Variants in FAF1 observed in about 807,000 individuals in gnomAD.
FAF1 encodes Fas associated factor 1, also known as FAS-associated factor 1.
A neutral mutation model predicts 92.5 loss-of-function variants in FAF1; 25 were observed. The observed-to-expected ratio is 0.27, with a 90% CI of 0.20 to 0.38. The LOEUF (loss-of-function observed/expected upper bound fraction) is 0.38. FAF1 is among the 10% of genes least tolerant of loss of function. The pLI is 1.00. For missense variants in FAF1, 636 were observed against 793.3 expected, an observed-to-expected ratio of 0.80 and a Z score of 2.38; for synonymous variants, 234 against 273.2, an observed-to-expected ratio of 0.86 and a Z score of 1.42.
At chr1:50,679,446 GAAAAA>G (rs750339675) in intron 7 of FAF1, among the ~76,000 whole-genome samples, 1 of 127,988 alleles carries the variant, frequency 7.8e-6, no homozygotes. Flanking sequence ...CTTCACAGAT[GAAAAA>G]AAAAAAAAAG....
intron 7 of FAF1, among the ~76,000 whole-genome samples, chr1:50,677,577 T>C (rs1277365559): frequency 6.6e-6 from 1 of 152,200 alleles, no homozygotes; most frequent in Non-Finnish European, 1.5e-5. Flanking sequence ...AATTTCATTT[T>C]AGTTCTTATT....
intron 1 of FAF1, among the ~76,000 whole-genome samples, chr1:50,885,881 G>A (rs1243112592): frequency 2.6e-5 from 4 of 152,086 alleles, no homozygotes; most frequent in Middle Eastern, 3.4e-3. Flanking sequence ...GTTACCACGA[G>A]GCTTCCAAAT....
At chr1:50,630,828 C>CTTTTTTTTTTTTTTTTTT in intron 8 of FAF1, among the ~76,000 whole-genome samples, 1 of 102,530 alleles carries the variant, frequency 9.8e-6, no homozygotes, top group Non-Finnish European at 1.9e-5. Flanking sequence ...TGTATCATAT[C>CTTTTTTTTTTTTTTTTTT]TTTTTTTTTT....
chr1:50,893,070 C>A (rs1644732176), intron 1 of FAF1, among the ~76,000 whole-genome samples: 2 of 152,098 alleles, frequency 1.3e-5, no homozygotes, highest in South Asian at 4.1e-4. Context: ...CTCTGATAGA[C>A]TTCTGAATTC....
At chr1:50,479,133 T>C (rs573211537) in intron 17 of FAF1, among the ~76,000 whole-genome samples, 2 of 152,332 alleles carry the variant, frequency 1.3e-5, no homozygotes, top group South Asian at 2.1e-4. Flanking sequence ...TCCTGGGAAT[T>C]AGGCAAATGA....
intron 1 of FAF1, among the ~76,000 whole-genome samples, chr1:50,925,514 A>T (rs1644998662): frequency 6.6e-6 from 1 of 152,178 alleles, no homozygotes; most frequent in Non-Finnish European, 1.5e-5. Flanking sequence ...CTGAACAGAC[A>T]TTTCTCAAAC....
intron 7 of FAF1, among the ~76,000 whole-genome samples, chr1:50,674,823 T>C (rs532946428): frequency 6.6e-6 from 1 of 152,332 alleles, no homozygotes; most frequent in Non-Finnish European, 1.5e-5. Context: ...TGAGAACAGC[T>C]ATTGCTAGAG....
intron 1 of FAF1, among the ~76,000 whole-genome samples, chr1:50,903,160 T>C (rs747539373): frequency 3.9e-5 from 6 of 152,226 alleles, no homozygotes; most frequent in Non-Finnish European, 7.3e-5. Context: ...TGTTCATATC[T>C]AATGCATATT....
intron 17 of FAF1, among the ~76,000 whole-genome samples, chr1:50,477,740 C>T (rs752010495): frequency 6.6e-6 from 1 of 152,190 alleles, no homozygotes; most frequent in African/African-American, 2.4e-5. Flanking sequence ...AATGCCTGGC[C>T]TTCTTACTAG....
At chr1:50,945,855 T>C (rs901789654) in intron 1 of FAF1, among the ~76,000 whole-genome samples, 2 of 152,162 alleles carry the variant, frequency 1.3e-5, no homozygotes, top group Non-Finnish European at 2.9e-5. Flanking sequence ...TTGAGTTCTG[T>C]CCAGAGAACA....
intron 2 of FAF1, among the ~76,000 whole-genome samples, chr1:50,823,113 G>A (rs1050381932): frequency 3.3e-5 from 5 of 152,090 alleles, no homozygotes; most frequent in South Asian, 2.1e-4. Context: ...TAGACATCCC[G>A]CAGTATGCAA....
chr1:50,439,812 C>T lies in FAF1; in HGVS notation c.*1628G>A, dbSNP rs958891528. ...TGGAGAGAAGTGTTCAGTTTGAACT[C>T]CCCTGAACACTTCCCCTGAAGGGAG... On this transcript the variant is annotated 3_prime_UTR_variant, in exon 19 of 19. Coordinates refer to ENST00000396153, the MANE Select transcript of FAF1 (RefSeq NM_007051.3). 6.6e-6 allele frequency: 1 copy of T among 152,116 alleles called. No homozygotes were observed. Among genetic ancestry groups the T allele is most frequent in the Admixed American group, 6.5e-5 (1 of 15,270 alleles). The allele number at this position is 152,116 out of a possible 1,614,324, so 9.4% of individuals were successfully genotyped here. A position where few individuals can be genotyped will look rare whatever the true frequency, so the allele number is the denominator to read the frequency against.
chr1:50,809,805 T>C (rs987918569), intron 2 of FAF1, among the ~76,000 whole-genome samples: 7 of 152,238 alleles, frequency 4.6e-5, no homozygotes, highest in Admixed American at 1.3e-4. Flanking sequence ...AAACCTGGCA[T>C]ATTTCAACAA....
Position 50,519,315 on chromosome 1 carries a change from C to T in FAF1, c.1494+16054G>A, listed in dbSNP as rs113146201. Among the ~76,000 whole-genome samples the T allele has an allele frequency of 2.9e-3, 401 of 139,470 alleles. 3 individuals are homozygous for T. The highest frequency in any genetic ancestry group is 9.9e-3 in the African/African-American group (373 of 37,824). 91.5% of individuals were successfully genotyped at this position (139,470 alleles called of 152,430 possible). A position where few individuals can be genotyped will look rare whatever the true frequency, so the allele number is the denominator to read the frequency against. ...CTGCACTCCAGCCTGGGTGACAGAG[C>T]GAGACTGTCTCGAAAGAAAGAAAGG... On this transcript the variant is annotated intron_variant, in intron 15 of 18. Coordinates refer to ENST00000396153, the MANE Select transcript of FAF1 (RefSeq NM_007051.3).
chr1:50,539,381 T>C (rs1648651413), intron 14 of FAF1, among the ~76,000 whole-genome samples: 1 of 152,220 alleles, frequency 6.6e-6, no homozygotes, highest in African/African-American at 2.4e-5. Context: ...GCCCCAAGGG[T>C]TGTGCAATTT....
chr1:50,552,681 T>C (rs533215354), intron 13 of FAF1, among the ~76,000 whole-genome samples: 4 of 152,290 alleles, frequency 2.6e-5, no homozygotes, highest in Middle Eastern at 3.4e-3. Context: ...AAGGAATATA[T>C]AGACAGGATA....
At chr1:50,684,118 T>C (rs1171356273) in intron 7 of FAF1, among the ~76,000 whole-genome samples, 1 of 151,456 alleles carries the variant, frequency 6.6e-6, no homozygotes, top group African/African-American at 2.4e-5. Context: ...AAAGGTGAGT[T>C]AGTTAAGCAA....
chr1:50,642,133 G>A (rs764392946), intron 8 of FAF1, among the ~76,000 whole-genome samples: 2 of 151,290 alleles, frequency 1.3e-5, no homozygotes, highest in Non-Finnish European at 2.9e-5. Context: ...AACCCTGGAG[G>A]CGGAGGTTGC....
At chr1:50,848,286 T>C (rs193144114) in intron 2 of FAF1, among the ~76,000 whole-genome samples, 63 of 152,168 alleles carry the variant, frequency 4.1e-4, no homozygotes, top group African/African-American at 1.1e-3. Context: ...CAAAAGTAAA[T>C]TGCATGACAA....
Sources: gnomAD v4.1 joint callset for allele counts (sites outside exome capture counted in the v4.1 genomes callset) on GRCh38, gnomAD v4.1.1 for gene constraint, MANE v1.5 for transcripts, NCBI Gene and HGNC (gene_info 2026-07-23, HGNC 2026-07-21) for gene names.